ATG10: variants seen among roughly 807,000 people sequenced by gnomAD.
The protein encoded by ATG10 is autophagy related 10, also known as ubiquitin-like-conjugating enzyme ATG10.
In ATG10, 30 loss-of-function variants were observed where a neutral mutation model predicts 32.1. That is an observed-to-expected ratio of 0.94 (90% CI 0.70 to 1.27). The LOEUF (loss-of-function observed/expected upper bound fraction) is 1.27. Ranked by LOEUF, ATG10 falls within the 50% of genes most tolerant of loss-of-function variation. The pLI is 0.00. For missense variants in ATG10, 233 were observed against 262.3 expected (o/e 0.89, Z 0.77); for synonymous variants, 87 against 91.5 (o/e 0.95, Z 0.28).
intron 5 of ATG10, among the ~76,000 whole-genome samples, chr5:82,191,728 A>G (rs1011597441): frequency 2.6e-5 from 4 of 152,208 alleles, no homozygotes; most frequent in Non-Finnish European, 5.9e-5. Context: ...TTTAAAGCAG[A>G]ACTGATGAAG....
chr5:82,145,832 G>T lies in ATG10; in HGVS notation c.217-18567G>T, dbSNP rs139484764. Among the ~76,000 whole-genome samples, 211 of 151,750 alleles carry T rather than the reference G, an allele frequency of 1.4e-3. 1 individual carries two copies. Among genetic ancestry groups the T allele is most frequent in the African/African-American group, 4.8e-3 (199 of 41,376 alleles). On this transcript the variant is annotated intron_variant, in intron 3 of 7. Coordinates refer to ENST00000282185, the MANE Select transcript of ATG10 (RefSeq NM_031482.5). ...AGTGGTTCTTGTGGCTCAGCCTCCTGAGTAGCTGGGATTACAGGCATGCAC... is the reference window on the plus strand; with the variant it reads ...AGTGGTTCTTGTGGCTCAGCCTCCTTAGTAGCTGGGATTACAGGCATGCAC...
In ATG10 at chr5:82,193,481, C is replaced by A. The variant is rs570439006; in HGVS notation, c.453+14894C>A. 2.0e-5 allele frequency among the ~76,000 whole-genome samples: 3 copies of A among 152,258 alleles called. No homozygotes were observed. The South Asian group carries it at 6.2e-4, about 32-fold the overall frequency. On this transcript the variant is annotated intron_variant, in intron 5 of 7. Transcript: ENST00000282185. ...TGGGTTTTTCAAATTTAAACTTGTTCGTATACAGCTAGGGTAAAACCTCTA... is the reference window on the plus strand; with the variant it reads ...TGGGTTTTTCAAATTTAAACTTGTTAGTATACAGCTAGGGTAAAACCTCTA...
intron 5 of ATG10, among the ~76,000 whole-genome samples, chr5:82,185,468 G>A (rs115183720): frequency 0.015 from 2,250 of 152,282 alleles, 39 homozygotes; most frequent in African/African-American, 0.05. Context: ...TTTGTACAGA[G>A]TGGAATAGGA....
chr5:82,109,494 G>A (rs1270205495), intron 3 of ATG10, among the ~76,000 whole-genome samples: 1 of 151,850 alleles, frequency 6.6e-6, no homozygotes, highest in East Asian at 1.9e-4. Context: ...GTTGTTTGTG[G>A]ATCAAACTTA....
chr5:82,233,213 T>C (rs1046336125), intron 5 of ATG10, among the ~76,000 whole-genome samples: 3 of 152,172 alleles, frequency 2.0e-5, no homozygotes, highest in Non-Finnish European at 4.4e-5. Context: ...TCTAACTAGA[T>C]AATATTTTTC....
At chr5:82,021,788 G>A (rs953241015) in intron 2 of ATG10, among the ~76,000 whole-genome samples, 4 of 152,082 alleles carry the variant, frequency 2.6e-5, no homozygotes, top group African/African-American at 9.7e-5. Flanking sequence ...ACTTTGGGAG[G>A]CCGAGGCGGG....
chr5:82,157,990 C>T (rs1654222452), intron 3 of ATG10, among the ~76,000 whole-genome samples: 1 of 152,176 alleles, frequency 6.6e-6, no homozygotes, highest in South Asian at 2.1e-4. Flanking sequence ...TTTCTTCCTT[C>T]TCTGTAGGCT....
intron 2 of ATG10, among the ~76,000 whole-genome samples, chr5:81,996,926 C>T (rs1414974209): frequency 6.6e-6 from 1 of 152,170 alleles, no homozygotes; most frequent in East Asian, 1.9e-4. Context: ...ATACAGGAAG[C>T]ATTCAATATA....
At chr5:82,100,772 G>GTTTT (rs61096885) in intron 3 of ATG10, among the ~76,000 whole-genome samples, 25 of 113,982 alleles carry the variant, frequency 2.2e-4, no homozygotes, top group Non-Finnish European at 3.0e-4. Flanking sequence ...ACAAGAACTA[G>GTTTT]TTTTTTTTTT....
rs1747430961 is a variant in ATG10, at chr5:82,255,534, C to G, written c.*1471C>G. 1 of 152,286 alleles carries G rather than the reference C, an allele frequency of 6.6e-6. No homozygotes were observed. The highest frequency in any genetic ancestry group is 2.1e-4 in the South Asian group (1 of 4,826). The allele number at this position is 152,286 out of a possible 1,614,324, so 9.4% of individuals were successfully genotyped here. A position where few individuals can be genotyped will look rare whatever the true frequency, so the allele number is the denominator to read the frequency against. On this transcript the variant is annotated 3_prime_UTR_variant, in exon 8 of 8. Transcript: ENST00000282185. ...GATATACTTAAAATCACCTGAGGATCGTTTACAGCTACAGATGCTGGGGCC... is the reference window on the plus strand; with the variant it reads ...GATATACTTAAAATCACCTGAGGATGGTTTACAGCTACAGATGCTGGGGCC...
chr5:81,996,570 G>A (rs906686216), intron 2 of ATG10, among the ~76,000 whole-genome samples: 3 of 152,188 alleles, frequency 2.0e-5, no homozygotes, highest in African/African-American at 4.8e-5. Flanking sequence ...GCCAGGCCAT[G>A]CTCTAGACTC....
At chr5:82,034,949 C>T (rs1386975118) in intron 2 of ATG10, among the ~76,000 whole-genome samples, 5 of 152,094 alleles carry the variant, frequency 3.3e-5, no homozygotes, top group Non-Finnish European at 7.4e-5. Context: ...GATGGAGTCT[C>T]TCTCTGTCAC....
At chr5:82,059,136 C>T (rs1175319379) in intron 3 of ATG10, among the ~76,000 whole-genome samples, 1 of 152,120 alleles carries the variant, frequency 6.6e-6, no homozygotes, top group Non-Finnish European at 1.5e-5. Context: ...TTAACCTTGA[C>T]TTGAAAATCT....
chr5:82,050,839 C>CAAAAAAAAA (rs71000881), intron 2 of ATG10, among the ~76,000 whole-genome samples: 1 of 36,294 alleles, frequency 2.8e-5, no homozygotes. Context: ...CCATCTCTAC[C>CAAAAAAAAA]AAAAAAAAAA....
At chr5:82,068,670 GA>G (rs1423543226) in intron 3 of ATG10, among the ~76,000 whole-genome samples, 3 of 144,916 alleles carry the variant, frequency 2.1e-5, no homozygotes, top group African/African-American at 7.6e-5. Context: ...CTTTATAACC[GA>G]ATCTAAACTT....
intron 2 of ATG10, among the ~76,000 whole-genome samples, chr5:82,029,074 T>C (rs1762673479): frequency 6.6e-6 from 1 of 152,188 alleles, no homozygotes; most frequent in African/African-American, 2.4e-5. Flanking sequence ...TTTATTCATA[T>C]TGTCATAAGA....
intron 1 of ATG10, among the ~76,000 whole-genome samples, chr5:81,985,365 T>C (rs1761229564): frequency 6.6e-6 from 1 of 152,160 alleles, no homozygotes; most frequent in African/African-American, 2.4e-5. Context: ...GCATTCTCTC[T>C]GATTGATGAA....
intron 2 of ATG10, among the ~76,000 whole-genome samples, chr5:81,998,254 A>C (rs1761728051): frequency 1.3e-5 from 2 of 152,366 alleles, no homozygotes; most frequent in Non-Finnish European, 2.9e-5. Flanking sequence ...GAAGAAAAGA[A>C]TTTATAATCA....
chr5:82,089,420 T>C (rs1764806752), intron 3 of ATG10, among the ~76,000 whole-genome samples: 1 of 151,442 alleles, frequency 6.6e-6, no homozygotes, highest in Non-Finnish European at 1.5e-5. Flanking sequence ...AACCCAGAAG[T>C]AAAGCCACAT....
Sources: allele counts gnomAD v4.1 joint callset (sites outside exome capture counted in the v4.1 genomes callset), GRCh38; gene constraint gnomAD v4.1.1; transcripts MANE v1.5; gene names NCBI Gene and HGNC (gene_info 2026-07-23, HGNC 2026-07-21).